The following ANKRD11 variants were observed in gnomAD, a reference collection of about 807,000 sequenced individuals.
The protein encoded by ANKRD11 is ankyrin repeat domain 11, also known as ankyrin repeat domain-containing protein 11.
ANKRD11 carries 17 observed loss-of-function variants against 195.7 expected under a neutral mutation model. The observed-to-expected ratio is 0.09, with a 90% CI of 0.06 to 0.13. The LOEUF (loss-of-function observed/expected upper bound fraction) is 0.13. Ranked by LOEUF, ANKRD11 falls within the 10% of genes least tolerant of loss-of-function variation. The pLI, the probability that ANKRD11 is intolerant of heterozygous loss-of-function variation, is 1.00. For synonymous variants in ANKRD11, 1,953 were observed against 1,528.1 expected, an observed-to-expected ratio of 1.28 and a Z score of -6.49; for missense variants, 3,735 against 3,566.1, an observed-to-expected ratio of 1.05 and a Z score of -1.21.
rs545854267 is a variant in ANKRD11 at position 89,316,796 on chromosome 16, C to T, written c.87+137G>A. ...GAAAGATCACTCCTCACCACCCTCT[C>T]CACTCCTGGCTGCAGACAGAGGCAC... On this transcript the variant is annotated intron_variant, in intron 3 of 12. Transcript: ENST00000301030. The T allele has an allele frequency of 3.0e-5, 32 of 1,055,298 alleles. No homozygotes were observed. In the African/African-American group the frequency reaches 4.6e-4, roughly 15 times the overall value. 65.4% of individuals were successfully genotyped at this position (1,055,298 alleles called of 1,614,324 possible).
chr16:89,338,833 A>G (rs772100710), intron 2 of ANKRD11, among the ~76,000 whole-genome samples: 1 of 152,128 alleles, frequency 6.6e-6, no homozygotes, highest in Non-Finnish European at 1.5e-5. Context: ...CAGGCAAAAC[A>G]ATCATTTCCC....
At chr16:89,314,186 A>C (rs1289601895) in intron 3 of ANKRD11, among the ~76,000 whole-genome samples, 1 of 152,126 alleles carries the variant, frequency 6.6e-6, no homozygotes, top group African/African-American at 2.4e-5. Context: ...TGGAGGGTGC[A>C]GAAGTTGCAG....
intron 1 of ANKRD11, among the ~76,000 whole-genome samples, chr16:89,451,156 G>T (rs1457784223): frequency 6.6e-6 from 1 of 152,366 alleles, no homozygotes; most frequent in Non-Finnish European, 1.5e-5. Flanking sequence ...GTTTGCCAAT[G>T]CCTGGCCTAT....
intron 12 of ANKRD11, chr16:89,270,584 GC>G (rs1480610036): frequency 1.8e-6 from 1 of 570,938 alleles, no homozygotes; most frequent in Non-Finnish European, 3.2e-6. Flanking sequence ...GGCGACAGGA[GC>G]CGCTCCCTGC....
Position 89,409,762 on chromosome 16 carries a change from ATTTC to A in ANKRD11, c.-60+8518_-60+8521del, listed in dbSNP as rs372412239. On this transcript the variant is annotated intron_variant, in intron 2 of 12. Coordinates refer to ENST00000301030, the MANE Select transcript of ANKRD11 (RefSeq NM_013275.6). Reference sequence around the variant, plus strand: ...CCAAAATATCCTGGCATTTTATAGGATTTCTTTAACAAAATCTGATCACATCTAA... The same window carrying A: ...CCAAAATATCCTGGCATTTTATAGGATTTAACAAAATCTGATCACATCTAA... Among the ~76,000 whole-genome samples, 16 of 152,294 alleles carry A rather than the reference ATTTC, an allele frequency of 1.1e-4. No homozygotes were observed. The East Asian group carries it at 2.1e-3, about 20-fold the overall frequency.
intron 1 of ANKRD11, among the ~76,000 whole-genome samples, chr16:89,432,102 C>A (rs1219505969): frequency 6.6e-6 from 1 of 152,148 alleles, no homozygotes; most frequent in Non-Finnish European, 1.5e-5. Context: ...TCCAGCCACA[C>A]ACACCATCAA....
intron 2 of ANKRD11, chr16:89,323,284 A>G: frequency 7.8e-7 from 1 of 1,288,724 alleles, no homozygotes. Flanking sequence ...ACTGTGTGCA[A>G]AGCCCTTGAG....
chr16:89,342,792 A>G (rs59606456), intron 2 of ANKRD11, among the ~76,000 whole-genome samples: 6,672 of 152,310 alleles, frequency 0.044, 486 homozygotes, highest in African/African-American at 0.15. Context: ...ATGTTAAAAC[A>G]TGAAAAACAT....
At chr16:89,337,064 C>A (rs1247003793) in intron 2 of ANKRD11, among the ~76,000 whole-genome samples, 2 of 147,588 alleles carry the variant, frequency 1.4e-5, no homozygotes, top group Non-Finnish European at 1.5e-5. Context: ...TGCACACCTG[C>A]AGTCCCAGCT....
At chr16:89,445,411 C>T (rs2043741427) in intron 1 of ANKRD11, among the ~76,000 whole-genome samples, 1 of 152,114 alleles carries the variant, frequency 6.6e-6, no homozygotes, top group South Asian at 2.1e-4. Flanking sequence ...TAAGATGCTA[C>T]CCCTGAAGCA....
chr16:89,384,297 G>A (rs1030680545), intron 2 of ANKRD11, among the ~76,000 whole-genome samples: 2 of 152,206 alleles, frequency 1.3e-5, no homozygotes, highest in African/African-American at 4.8e-5. Flanking sequence ...TTGGGAGACC[G>A]AGTTGGGTGG....
chr16:89,329,423 A>C (rs2037929433), intron 2 of ANKRD11, among the ~76,000 whole-genome samples: 2 of 152,192 alleles, frequency 1.3e-5, no homozygotes, highest in South Asian at 4.1e-4. Flanking sequence ...AAAAAACACA[A>C]GGGGTGTAAG....
chr16:89,306,755 CACTT>C lies in ANKRD11; in HGVS notation c.88-1415_88-1412del, dbSNP rs373995901. 3.3e-3 allele frequency among the ~76,000 whole-genome samples: 27 copies of C among 8,212 alleles called. 3 individuals are homozygous for C. The highest frequency in any genetic ancestry group is 0.024 in the South Asian group (4 of 168). 5.4% of individuals were successfully genotyped at this position (8,212 alleles called of 152,430 possible). ...CACCTCCCACTCCGCAGACACGCGCCACTTACCTCCCACTCCGCAGACACGCGCC... is the reference window on the plus strand; with the variant it reads ...CACCTCCCACTCCGCAGACACGCGCCACCTCCCACTCCGCAGACACGCGCC... On this transcript the variant is annotated intron_variant, in intron 3 of 12. Transcript: ENST00000301030.
Position 89,281,135 on chromosome 16 carries a change from A to G in ANKRD11, c.5407T>C (p.Phe1803Leu), listed in dbSNP as rs769960740. 1 of 1,613,270 alleles carries G rather than the reference A, an allele frequency of 6.2e-7. No individual in the cohort carries two copies. The highest frequency in any genetic ancestry group is 1.1e-5 in the South Asian group (1 of 91,074). ...VDIRRTPEEE[F>L]SVGDKLFRQQ... ...CTGAAGAGCTTGTCTCCGACGCTGA[A>G]TTCTTCCTCGGGGGTCCTCCTAATG... The change falls in exon 9 of 13, where the codon TTC (phenylalanine) becomes CTC (leucine). Residue 1803 changes from phenylalanine (F) to leucine (L), a missense_variant. Transcript: ENST00000301030. The surrounding 1 kb of genome is among the most constrained non-coding windows in gnomAD (Gnocchi z 5.5).
intron 2 of ANKRD11, among the ~76,000 whole-genome samples, chr16:89,377,315 GA>G (rs2040464636): frequency 6.6e-6 from 1 of 152,114 alleles, no homozygotes; most frequent in Non-Finnish European, 1.5e-5. Flanking sequence ...ATGACACCAT[GA>G]AAGATGCCAT....
intron 9 of ANKRD11, chr16:89,278,828 G>A: frequency 1.4e-6 from 1 of 691,354 alleles, no homozygotes. Flanking sequence ...GTGAGGGGGA[G>A]GTCAGGAGAC....
At position 89,281,062 on chromosome 16, in the gene ANKRD11, G is replaced by A. The variant is rs778780920; in HGVS notation, c.5480C>T (p.Pro1827Leu). The part of the protein sequence containing the change: ...AASSYDSPMP[P>L]SMEDRAPLPP... ...CAGGGGCGCCCTGTCTTCCATCGAG[G>A]GTGGCATGGGAGAGTCGTAGCTGGA... The change falls in exon 9 of 13, where the codon CCC becomes CTC. Residue 1827 changes from proline to leucine, a missense_variant. Physicochemically the swap from Pro to Leu is moderately conservative, Grantham distance 98. Coordinates refer to ENST00000301030, the MANE Select transcript of ANKRD11 (RefSeq NM_013275.6). This position sits in a 1 kb window ranked among gnomAD's most constrained non-coding sequence, Gnocchi z 5.5. The A allele has an allele frequency of 1.1e-5, 17 of 1,606,648 alleles. No homozygotes were observed. Among genetic ancestry groups the A allele is most frequent in the African/African-American group, 9.4e-5 (7 of 74,666 alleles).
intron 2 of ANKRD11, among the ~76,000 whole-genome samples, chr16:89,415,140 G>C (rs1449173208): frequency 6.6e-6 from 1 of 151,722 alleles, no homozygotes; most frequent in Non-Finnish European, 1.5e-5. Flanking sequence ...TTTTTGTAGA[G>C]ATGCGGTCTC....
intron 2 of ANKRD11, among the ~76,000 whole-genome samples, chr16:89,379,455 C>G (rs2040554416): frequency 6.6e-6 from 1 of 152,342 alleles, no homozygotes; most frequent in Admixed American, 6.5e-5. Flanking sequence ...CATCCAAAAC[C>G]AGCTCATGTA....
Sources: gnomAD v4.1 joint callset for allele counts (sites outside exome capture counted in the v4.1 genomes callset) on GRCh38, gnomAD v4.1.1 for gene constraint, Gnocchi (gnomAD v3.1) non-coding constraint, MANE v1.5 for transcripts, NCBI Gene and HGNC (gene_info 2026-07-23, HGNC 2026-07-21) for gene names.